SYN3: variants seen among roughly 807,000 people sequenced by gnomAD.
SYN3 encodes the protein synapsin-3.
SYN3 carries 35 observed loss-of-function variants against 65.8 expected under a neutral mutation model. The observed-to-expected ratio is 0.53, with a 90% CI of 0.41 to 0.70. SYN3 has a LOEUF of 0.70. SYN3 is among the 30% of genes least tolerant of loss of function. The pLI is 0.00. For synonymous variants in SYN3, 270 were observed against 292.9 expected (o/e 0.92, Z 0.80); for missense variants, 680 against 749.0 (o/e 0.91, Z 1.08).
chr22:32,780,068 CAAAAAAAAAAAGA>C (rs1362641841), intron 6 of SYN3, among the ~76,000 whole-genome samples: 5 of 72,598 alleles, frequency 6.9e-5, no homozygotes, highest in Non-Finnish European at 9.5e-5. Context: ...GATTCTGTCT[CAAAAAAAAAAAGA>C]GAGAGAAAAA....
chr22:32,599,266 A>G (rs767898299), intron 6 of SYN3, among the ~76,000 whole-genome samples: 2 of 152,152 alleles, frequency 1.3e-5, no homozygotes, highest in Non-Finnish European at 2.9e-5. Flanking sequence ...GCAATATTAC[A>G]GACATCAGCT....
chr22:32,681,550 T>A (rs2060523002), intron 6 of SYN3, among the ~76,000 whole-genome samples: 1 of 152,188 alleles, frequency 6.6e-6, no homozygotes, highest in East Asian at 1.9e-4. Flanking sequence ...AGGTTCCTGG[T>A]CAGTATGTGA....
chr22:32,543,288 AT>A (rs1331553904), intron 7 of SYN3, among the ~76,000 whole-genome samples: 1 of 152,066 alleles, frequency 6.6e-6, no homozygotes, highest in Non-Finnish European at 1.5e-5. Context: ...GGAAACTGAG[AT>A]TTCTTGACTT....
At chr22:32,950,704 G>A (rs781358614) in intron 3 of SYN3, among the ~76,000 whole-genome samples, 2 of 152,190 alleles carry the variant, frequency 1.3e-5, no homozygotes, top group Non-Finnish European at 2.9e-5. Flanking sequence ...TCAAGGGAGG[G>A]TAAGAGGTTG....
intron 1 of SYN3, among the ~76,000 whole-genome samples, chr22:33,031,068 G>A (rs1400807376): frequency 6.6e-6 from 1 of 152,202 alleles, no homozygotes; most frequent in Non-Finnish European, 1.5e-5. Context: ...TGTGGATGTG[G>A]CAGCACTCAG....
chr22:32,906,182 T>C (rs569592146), intron 4 of SYN3, among the ~76,000 whole-genome samples: 3 of 152,232 alleles, frequency 2.0e-5, no homozygotes, highest in Admixed American at 2.0e-4. Context: ...GAAACGTCTT[T>C]CCCTGCAAAC....
At chr22:32,868,584 C>T (rs906933500) in intron 5 of SYN3, among the ~76,000 whole-genome samples, 5 of 151,450 alleles carry the variant, frequency 3.3e-5, no homozygotes, top group African/African-American at 1.2e-4. Context: ...GGGATTACAG[C>T]GGGATTACAG....
intron 3 of SYN3, among the ~76,000 whole-genome samples, chr22:32,969,595 A>T (rs1472714848): frequency 6.6e-6 from 1 of 152,206 alleles, no homozygotes; most frequent in Middle Eastern, 3.2e-3. Flanking sequence ...TGTGAAAAGC[A>T]GGGACCCAGG....
chr22:32,851,304 G>A (rs1206277760), intron 6 of SYN3, among the ~76,000 whole-genome samples: 1 of 152,218 alleles, frequency 6.6e-6, no homozygotes, highest in Non-Finnish European at 1.5e-5. Flanking sequence ...AAATAGCTGG[G>A]AGGCAGCAGT....
At chr22:32,935,169 T>C (rs918368565) in intron 3 of SYN3, among the ~76,000 whole-genome samples, 7 of 152,170 alleles carry the variant, frequency 4.6e-5, no homozygotes, top group African/African-American at 1.7e-4. Flanking sequence ...TTCAGTATCA[T>C]ATTCAAAGTC....
chr22:32,947,435 C>A (rs11703516), intron 3 of SYN3: 1 of 152,074 alleles, frequency 6.6e-6, no homozygotes, highest in Non-Finnish European at 1.5e-5. Flanking sequence ...TTATATTTTA[C>A]AGATGAATGG....
intron 6 of SYN3, among the ~76,000 whole-genome samples, chr22:32,776,239 T>G (rs978809): frequency 0.71 from 107,327 of 151,920 alleles, 38,474 homozygotes; most frequent in African/African-American, 0.83. Context: ...TTTCAGCCCA[T>G]TGAGACCAGT....
intron 6 of SYN3, among the ~76,000 whole-genome samples, chr22:32,824,146 C>T (rs1009175798): frequency 2.0e-4 from 30 of 151,862 alleles, no homozygotes; most frequent in African/African-American, 6.8e-4. Flanking sequence ...GGTGTGGTGG[C>T]GCACATCTGA....
intron 4 of SYN3, among the ~76,000 whole-genome samples, chr22:32,889,213 C>G (rs2049373733): frequency 6.6e-6 from 1 of 151,712 alleles, no homozygotes; most frequent in African/African-American, 2.4e-5. Context: ...GAATAACTCT[C>G]TATCAGGAAG....
chr22:32,756,758 T>C (rs2045302577), intron 6 of SYN3, among the ~76,000 whole-genome samples: 1 of 152,208 alleles, frequency 6.6e-6, no homozygotes, highest in South Asian at 2.1e-4. Context: ...AGAAGCTCCC[T>C]GAAGCCCTCA....
At chr22:32,866,575 T>C (rs1051461256) in intron 5 of SYN3, among the ~76,000 whole-genome samples, 56 of 152,204 alleles carry the variant, frequency 3.7e-4, no homozygotes, top group African/African-American at 1.3e-3. Context: ...CTCATAAGGG[T>C]GCTAAGAATT....
At chr22:32,612,848 T>A (rs969678613) in intron 6 of SYN3, among the ~76,000 whole-genome samples, 6 of 151,974 alleles carry the variant, frequency 3.9e-5, no homozygotes, top group African/African-American at 1.5e-4. Flanking sequence ...CCTAAATAAA[T>A]AAATAAATAA....
At chr22:32,694,355 G>C (rs1174831371) in intron 6 of SYN3, among the ~76,000 whole-genome samples, 1 of 152,116 alleles carries the variant, frequency 6.6e-6, no homozygotes, top group Non-Finnish European at 1.5e-5. Context: ...TTTACCTTCT[G>C]TTCTCTAACC....
chr22:32,582,360 T>G (rs1320401300), intron 7 of SYN3, among the ~76,000 whole-genome samples: 4 of 133,828 alleles, frequency 3.0e-5, no homozygotes, highest in Non-Finnish European at 5.1e-5. Flanking sequence ...CTCCCTTTTT[T>G]TTTTTTTGAG....
Sources: allele counts gnomAD v4.1 joint callset (sites outside exome capture counted in the v4.1 genomes callset), GRCh38; gene constraint gnomAD v4.1.1; transcripts MANE v1.5; gene names NCBI Gene and HGNC (gene_info 2026-07-23, HGNC 2026-07-21).